Variants in SLC22A5 observed in about 807,000 individuals in gnomAD.
SLC22A5 encodes solute carrier family 22 member 5.
In SLC22A5, 44 loss-of-function variants were observed where a neutral mutation model predicts 56.7. The observed-to-expected ratio is 0.78, with a 90% confidence interval of 0.61 to 1.00. SLC22A5 has a LOEUF of 1.00. Among genes scored for constraint, SLC22A5 ranks in the 50% least tolerant of loss-of-function variants. SLC22A5 has a pLI of 0.00. For missense variants in SLC22A5, 675 were observed against 723.0 expected, an observed-to-expected ratio of 0.93 and a Z score of 0.76; for synonymous variants, 278 against 292.1, an observed-to-expected ratio of 0.95 and a Z score of 0.49.
rs78350188 is a variant in SLC22A5 at position 132,372,010 on chromosome 5, T to C, written c.393+1645T>C. Among the ~76,000 whole-genome samples the C allele has an allele frequency of 2.1e-3, 325 of 152,304 alleles. 1 individual carries two copies. Among genetic ancestry groups the C allele is most frequent in the African/African-American group, 7.6e-3 (314 of 41,564 alleles). ...GTGTGTGTTTTTTCTTTTTGGAAATTTGATGTCCCCAGCATTTGGACCTGC... is the reference window on the plus strand; with the variant it reads ...GTGTGTGTTTTTTCTTTTTGGAAATCTGATGTCCCCAGCATTTGGACCTGC... On this transcript the variant is annotated intron_variant, in intron 1 of 9. Coordinates refer to ENST00000245407, the MANE Select transcript of SLC22A5 (RefSeq NM_003060.4).
chr5:132,378,391 G>A lies in SLC22A5; in HGVS notation c.407G>A (p.Cys136Tyr), dbSNP rs1266213552. Residue 136 changes from cysteine to tyrosine, a missense_variant, in exon 2 of 10, where the codon TGT becomes TAT. Cys to Tyr is a radical substitution (Grantham distance 194, BLOSUM62 -2). Transcript: ENST00000245407. ...STIVTEWNLV[C>Y]EDDWKAPLTI... is the part of the protein sequence containing the mutation. Reference sequence around the variant, plus strand: ...CTCATCTTGCAGTGGAACCTGGTGTGTGAGGACGACTGGAAGGCCCCACTC... The same window carrying A: ...CTCATCTTGCAGTGGAACCTGGTGTATGAGGACGACTGGAAGGCCCCACTC... 3 of 1,614,064 alleles carry A rather than the reference G, an allele frequency of 1.9e-6. No homozygotes were observed. The South Asian group carries it at 3.3e-5, about 18-fold the overall frequency.
intron 2 of SLC22A5, chr5:132,381,477 G>T (rs1370504537): frequency 6.6e-6 from 1 of 152,234 alleles, no homozygotes; most frequent in East Asian, 1.9e-4. Context: ...CAGCTTCTGA[G>T]TGCATTACTT....
rs796262116 is a variant in SLC22A5, at chr5:132,381,684, A to G, written c.498-2463A>G. On this transcript the variant is annotated intron_variant, in intron 2 of 9. Coordinates refer to ENST00000245407, the MANE Select transcript of SLC22A5 (RefSeq NM_003060.4). ...TTGTCAAAGCCCTTTATGTAACACT[A>G]TTGAGTTATCTTTATGCGTCTGACT... 8.3e-4 allele frequency: 127 copies of G among 152,346 alleles called. 1 individual carries two copies. Among genetic ancestry groups the G allele is most frequent in the African/African-American group, 2.8e-3 (115 of 41,588 alleles). 9.4% of individuals were successfully genotyped at this position (152,346 alleles called of 1,614,324 possible).
At chr5:132,380,056 T>C (rs1207543201) in intron 2 of SLC22A5, 1 of 152,208 alleles carries the variant, frequency 6.6e-6, no homozygotes, top group Non-Finnish European at 1.5e-5. Flanking sequence ...TGGTAAGAGA[T>C]ACAGAGAAGT....
intron 5 of SLC22A5, among the ~76,000 whole-genome samples, chr5:132,387,376 G>A (rs1182766873): frequency 5.3e-5 from 8 of 151,588 alleles, no homozygotes; most frequent in Non-Finnish European, 8.8e-5. Flanking sequence ...TTCACCACGG[G>A]TTTCAGATTT....
chr5:132,374,367 C>T (rs1752056806), intron 1 of SLC22A5, among the ~76,000 whole-genome samples: 2 of 152,354 alleles, frequency 1.3e-5, no homozygotes, highest in Non-Finnish European at 1.5e-5. Context: ...TTCTATCAGC[C>T]TTATCTTGTG....
intron 1 of SLC22A5, 95 bp from the exon 2 acceptor site, chr5:132,378,283 A>T: frequency 6.2e-7 from 1 of 1,613,672 alleles, no homozygotes; most frequent in Non-Finnish European, 8.5e-7. Flanking sequence ...GCGTGTGGGG[A>T]TGGCAGGATG....
Position 132,378,457 on chromosome 5 carries a change from T to G in SLC22A5, c.473T>G (p.Phe158Cys). 6.2e-7 allele frequency: 1 copy of G among 1,614,170 alleles called. No individual in the cohort carries two copies. The highest frequency in any genetic ancestry group is 8.5e-7 in the Non-Finnish European group (1 of 1,179,982). ...LFFVGVLLGS[F>C]ISGQLSDRFG... ...TTCGTGGGTGTGCTGTTGGGCTCCT[T>G]CATTTCAGGGCAGCTGTCAGACAGG... is the stretch of plus-strand genomic sequence containing the variant. Residue 158 changes from phenylalanine to cysteine, a missense_variant, in exon 2 of 10, where the codon TTC becomes TGC. Transcript: ENST00000245407.
Position 132,378,645 on chromosome 5 carries a change from G to A in SLC22A5, c.497+164G>A, listed in dbSNP as rs529808742. On this transcript the variant is annotated intron_variant, in intron 2 of 9. Coordinates refer to ENST00000245407, the MANE Select transcript of SLC22A5 (RefSeq NM_003060.4). ...ATAGACTCCATGCCTAGTAAGAAGA[G>A]CCAACAAATCTGACTCCGTAATTCT... is the stretch of plus-strand genomic sequence containing the variant. 283 of 650,250 alleles carry A rather than the reference G, an allele frequency of 4.4e-4. 1 individual carries two copies. Among genetic ancestry groups the A allele is most frequent in the Admixed American group, 7.0e-4 (28 of 39,854 alleles). The allele number at this position is 650,250 out of a possible 1,614,324, so 40.3% of individuals were successfully genotyped here.
chr5:132,390,791 C>T lies in SLC22A5; in HGVS notation c.1154C>T (p.Pro385Leu). Residue 385 changes from proline (P) to leucine (L), a missense_variant, in exon 7 of 10, where the codon CCA becomes CTA. Transcript: ENST00000245407. The stretch of plus-strand genomic sequence containing the variant: ...TTCCTTTCAGCGATGGTTGAAGTCC[C>T]AGCATATGTGTTGGCCTGGCTGCTG... ...NCFLSAMVEV[P>L]AYVLAWLLLQ... 6.2e-7 allele frequency: 1 copy of T among 1,614,204 alleles called. No individual in the cohort carries two copies. The highest frequency in any genetic ancestry group is 8.5e-7 in the Non-Finnish European group (1 of 1,180,020).
rs1027119483 is a variant in SLC22A5, at chr5:132,378,383, C to G, written c.399C>G (p.Asn133Lys). ...CCCCTTTGCTCATCTTGCAGTGGAA[C>G]CTGGTGTGTGAGGACGACTGGAAGG... is the stretch of plus-strand genomic sequence containing the variant. Reference protein sequence around the residue: ...VYLSTIVTEWNLVCEDDWKAP... With the variant: ...VYLSTIVTEWKLVCEDDWKAP... The change falls in exon 2 of 10, where the codon AAC (asparagine) becomes AAG (lysine). Residue 133 changes from asparagine (N) to lysine (K), a missense_variant. Transcript: ENST00000245407. The G allele has an allele frequency of 1.2e-6, 2 of 1,614,022 alleles. No individual in the cohort carries two copies. Among genetic ancestry groups the G allele is most frequent in the Non-Finnish European group, 1.7e-6 (2 of 1,179,894 alleles).
chr5:132,378,312 G>T (rs1429408148), intron 1 of SLC22A5, 66 bp from the exon 2 acceptor site: 2 of 1,612,292 alleles, frequency 1.2e-6, no homozygotes, highest in East Asian at 2.2e-5. Context: ...TCATTTTCCA[G>T]GATGCCTTTG....
rs796052040 is a variant in SLC22A5, at chr5:132,394,188, G to GAAACACAGAA, written c.1595_1604dup (p.Pro536GlnfsTer21). The GAAACACAGAA allele has an allele frequency of 3.7e-6, 6 of 1,610,016 alleles. No individual in the cohort carries two copies. Among genetic ancestry groups the GAAACACAGAA allele is most frequent in the Non-Finnish European group, 5.1e-6 (6 of 1,176,256 alleles). On this transcript the variant is annotated frameshift_variant, in exon 10 of 10. Coordinates refer to ENST00000245407, the MANE Select transcript of SLC22A5 (RefSeq NM_003060.4). LOFTEE classifies it high-confidence loss of function. ...ATATTTTTGCTTGTTTTTATAGAATGAAACACAGAAAAACTCCAAGTCACA... is the reference window on the plus strand; with the variant it reads ...ATATTTTTGCTTGTTTTTATAGAATGAAACACAGAAAAACACAGAAAAACTCCAAGTCACA...
rs1281705032 is a variant in SLC22A5, at chr5:132,393,887, A to C, written c.1586+76A>C. On this transcript the variant is annotated intron_variant, in intron 9 of 9. Coordinates refer to ENST00000245407, the MANE Select transcript of SLC22A5 (RefSeq NM_003060.4). Reference sequence around the variant, plus strand: ...AGGTCTCAGGAGCCCCTCACAATAGAGCTACTCGCAAACTCCCTCTCACAG... The same window carrying C: ...AGGTCTCAGGAGCCCCTCACAATAGCGCTACTCGCAAACTCCCTCTCACAG... 1.9e-6 allele frequency: 3 copies of C among 1,540,322 alleles called. No homozygotes were observed. In the African/African-American group the frequency reaches 4.1e-5, roughly 21 times the overall value.
At position 132,370,953 on chromosome 5, in the gene SLC22A5, C is replaced by CTTTTTT. The variant is rs750736082; in HGVS notation, c.393+595_393+600dup. 2.8e-4 allele frequency among the ~76,000 whole-genome samples: 37 copies of CTTTTTT among 133,794 alleles called. 1 individual carries two copies. The highest frequency in any genetic ancestry group is 1.8e-3 in the South Asian group (7 of 3,858). The allele number at this position is 133,794 out of a possible 152,430, so 87.8% of individuals were successfully genotyped here. A position where few individuals can be genotyped will look rare whatever the true frequency, so the allele number is the denominator to read the frequency against. On this transcript the variant is annotated intron_variant, in intron 1 of 9. Transcript: ENST00000245407. ...CCTTTTCCCATGGTCAGTTGTCAGTCTTTTTTTTTTTTGAGACAGAGTCTC... is the reference window on the plus strand; with the variant it reads ...CCTTTTCCCATGGTCAGTTGTCAGTCTTTTTTTTTTTTTTTTTTGAGACAGAGTCTC...
intron 2 of SLC22A5, chr5:132,381,056 T>C (rs1291953896): frequency 6.6e-6 from 1 of 152,140 alleles, no homozygotes; most frequent in Non-Finnish European, 1.5e-5. Flanking sequence ...ATGCCCTTGA[T>C]GTGAAAAGGA....
intron 4 of SLC22A5, among the ~76,000 whole-genome samples, chr5:132,386,420 C>T (rs1329301392): frequency 1.3e-5 from 2 of 151,928 alleles, no homozygotes; most frequent in African/African-American, 2.4e-5. Flanking sequence ...TTTGGAGAGA[C>T]GGGTTTCACT....
chr5:132,391,529 A>C (rs1420219590), intron 7 of SLC22A5, among the ~76,000 whole-genome samples: 1 of 152,190 alleles, frequency 6.6e-6, no homozygotes, highest in Non-Finnish European at 1.5e-5. Flanking sequence ...GCCCTGAAAA[A>C]GTCTAGGAGA....
In SLC22A5 at chr5:132,390,687, C is replaced by T. The variant is rs149201271; in HGVS notation, c.1053-3C>T. 4.4e-5 allele frequency: 71 copies of T among 1,609,744 alleles called. No individual in the cohort carries two copies. In the African/African-American group the frequency reaches 8.9e-4, roughly 20 times the overall value. ...TCCAGCTTTCTTCTGCACTCTGTTT[C>T]AGGATGACCATATCAGTGGGCTATT... On this transcript the variant is annotated splice_region_variant and splice_polypyrimidine_tract_variant and intron_variant, in intron 6 of 9. Coordinates refer to ENST00000245407, the MANE Select transcript of SLC22A5 (RefSeq NM_003060.4).
Sources: allele counts gnomAD v4.1 joint callset (sites outside exome capture counted in the v4.1 genomes callset), GRCh38; gene constraint gnomAD v4.1.1; transcripts MANE v1.5; gene names NCBI Gene and HGNC (gene_info 2026-07-23, HGNC 2026-07-21).